OSBPL9: variants seen among roughly 807,000 people sequenced by gnomAD.
OSBPL9 encodes the protein oxysterol binding protein like 9, also known as oxysterol-binding protein-related protein 9.
In OSBPL9, 40 loss-of-function variants were observed where a neutral mutation model predicts 106.6. That is an observed-to-expected ratio of 0.38 (90% confidence interval 0.29 to 0.49). The LOEUF (loss-of-function observed/expected upper bound fraction) is 0.49, where lower values mean the gene tolerates loss of function less well. Ranked by LOEUF, OSBPL9 falls within the 20% of genes least tolerant of loss-of-function variation. The pLI is 0.97. For missense variants in OSBPL9, 609 were observed against 887.2 expected (o/e 0.69, Z 3.98); for synonymous variants, 269 against 295.4 (o/e 0.91, Z 0.92).
chr1:51,756,453 A>G lies in OSBPL9; in HGVS notation c.582+95A>G, dbSNP rs1383271247. ...AGCCTGAATTACTACTCATTTTTCA[A>G]TGCCAACTACTCACTGCTTTTTGTT... On this transcript the variant is annotated intron_variant, in intron 9 of 23. Coordinates refer to ENST00000428468, the MANE Select transcript of OSBPL9 (RefSeq NM_024586.6). 61 of 1,174,022 alleles carry G rather than the reference A, an allele frequency of 5.2e-5. No individual in the cohort carries two copies. In the Middle Eastern group the frequency reaches 1.1e-3, roughly 22 times the overall value. 72.7% of individuals were successfully genotyped at this position (1,174,022 alleles called of 1,614,324 possible).
intron 4 of OSBPL9, among the ~76,000 whole-genome samples, chr1:51,721,970 G>A (rs1182362039): frequency 6.6e-6 from 1 of 152,206 alleles, no homozygotes; most frequent in African/African-American, 2.4e-5. Context: ...ACTAGTTGTA[G>A]AGGATATAAT....
chr1:51,581,314 G>A (rs1283481254), intron 1 of OSBPL9, among the ~76,000 whole-genome samples: 2 of 152,030 alleles, frequency 1.3e-5, no homozygotes, highest in African/African-American at 2.4e-5. Flanking sequence ...AGAGGTAAAC[G>A]GCCATTCTCA....
At chr1:51,601,032 T>G (rs1303829943) in intron 2 of OSBPL9, among the ~76,000 whole-genome samples, 1 of 152,202 alleles carries the variant, frequency 6.6e-6, no homozygotes, top group African/African-American at 2.4e-5. Flanking sequence ...AATTTTTTAT[T>G]TGTTCAGTGC....
chr1:51,721,113 A>T (rs1662040668), intron 4 of OSBPL9, among the ~76,000 whole-genome samples: 1 of 151,192 alleles, frequency 6.6e-6, no homozygotes, highest in Admixed American at 6.6e-5. Flanking sequence ...TTGGAATTTC[A>T]TTGGTACTGC....
At chr1:51,740,272 G>A in intron 4 of OSBPL9, 1 of 1,416,336 alleles carries the variant, frequency 7.1e-7, no homozygotes, top group Non-Finnish European at 9.2e-7. Context: ...GCTTATCTGT[G>A]ATGCATGTCA....
At chr1:51,636,663 G>A (rs191846045) in intron 1 of OSBPL9, among the ~76,000 whole-genome samples, 34 of 152,064 alleles carry the variant, frequency 2.2e-4, no homozygotes, top group African/African-American at 8.0e-4. Flanking sequence ...TTCTAAAATT[G>A]TGAAGGCTGG....
At chr1:51,735,999 C>T (rs1046914056) in intron 4 of OSBPL9, among the ~76,000 whole-genome samples, 11 of 152,102 alleles carry the variant, frequency 7.2e-5, no homozygotes, top group Non-Finnish European at 1.5e-4. Flanking sequence ...GATTTTTCCA[C>T]GAATATTCTG....
rs1392061628 is a variant in OSBPL9 at position 51,788,960 on chromosome 1, T to G, written c.*1171T>G. On this transcript the variant is annotated 3_prime_UTR_variant, in exon 24 of 24. Coordinates refer to ENST00000428468, the MANE Select transcript of OSBPL9 (RefSeq NM_024586.6). The stretch of plus-strand genomic sequence containing the variant: ...TACGTAAGGCCTTTCAAGAAGTAGA[T>G]TCTCAGTCTGAGAGGACACAGGCCA... 2.0e-5 allele frequency among the ~76,000 whole-genome samples: 3 copies of G among 152,168 alleles called. No homozygotes were observed. Among genetic ancestry groups the G allele is most frequent in the East Asian group, 3.8e-4 (2 of 5,202 alleles).
chr1:51,537,556 A>G, the OSBPL9 span, among the ~76,000 whole-genome samples: 1 of 152,102 alleles, frequency 6.6e-6, no homozygotes, highest in African/African-American at 2.4e-5. Context: ...TTTAATTATT[A>G]TTATAATTAT....
intron 1 of OSBPL9, among the ~76,000 whole-genome samples, chr1:51,584,771 C>A (rs1200467422): frequency 6.6e-6 from 1 of 152,042 alleles, no homozygotes; most frequent in Non-Finnish European, 1.5e-5. Flanking sequence ...CCTTGCACAT[C>A]CTCTGGTTGC....
At chr1:51,616,003 GTTTTTTTTTTT>G (rs764823727), upstream of OSBPL9, among the ~76,000 whole-genome samples, 7 of 104,508 alleles carry the variant, frequency 6.7e-5, no homozygotes, top group Non-Finnish European at 7.3e-5. Flanking sequence ...AAATCCTTTG[GTTTTTTTTTTT>G]TTTTTTTTTT....
chr1:51,590,901 C>T (rs1485694955), intron 1 of OSBPL9, among the ~76,000 whole-genome samples: 1 of 150,682 alleles, frequency 6.6e-6, no homozygotes. Context: ...AGGCACATGC[C>T]ACCATGCCTG....
intron 3 of OSBPL9, among the ~76,000 whole-genome samples, chr1:51,675,960 C>T (rs1651089203): frequency 6.6e-6 from 1 of 152,016 alleles, no homozygotes; most frequent in South Asian, 2.1e-4. Flanking sequence ...TTTTCACAAC[C>T]TTATGAAGTA....
the OSBPL9 span, among the ~76,000 whole-genome samples, chr1:51,564,041 C>A: frequency 2.1e-4 from 1 of 4,856 alleles, no homozygotes; most frequent in South Asian, 0.013. Flanking sequence ...GGTGACAGAG[C>A]GAGATCATCT....
intron 3 of OSBPL9, among the ~76,000 whole-genome samples, chr1:51,678,512 T>C (rs1289867679): frequency 1.3e-5 from 2 of 151,732 alleles, no homozygotes; most frequent in Non-Finnish European, 2.9e-5. Flanking sequence ...AATGCAAAAA[T>C]AGGCCGGGCA....
At chr1:51,552,632 A>G in the OSBPL9 span, among the ~76,000 whole-genome samples, 1 of 152,076 alleles carries the variant, frequency 6.6e-6, no homozygotes, top group African/African-American at 2.4e-5. Flanking sequence ...TGACTACTTC[A>G]ATTTTTTTTT....
chr1:51,704,765 G>A (rs1302213471), intron 3 of OSBPL9, among the ~76,000 whole-genome samples: 2 of 152,078 alleles, frequency 1.3e-5, no homozygotes, highest in East Asian at 1.9e-4. Flanking sequence ...ATTATCTCCC[G>A]CAGGTCTCAC....
chr1:51,706,652 GC>G (rs1658606552), intron 3 of OSBPL9, among the ~76,000 whole-genome samples: 1 of 149,030 alleles, frequency 6.7e-6, no homozygotes, highest in Non-Finnish European at 1.5e-5. Flanking sequence ...CAGCCTTTTT[GC>G]TTTTATATAT....
At chr1:51,546,558 A>G in the OSBPL9 span, among the ~76,000 whole-genome samples, 1 of 152,126 alleles carries the variant, frequency 6.6e-6, no homozygotes, top group African/African-American at 2.4e-5. Flanking sequence ...TTAGCTAGGC[A>G]TGATGAAGGG....
Sources: allele counts gnomAD v4.1 joint callset (sites outside exome capture counted in the v4.1 genomes callset), GRCh38; gene constraint gnomAD v4.1.1; transcripts MANE v1.5; gene names NCBI Gene and HGNC (gene_info 2026-07-23, HGNC 2026-07-21).